CTNNA3: variants seen among roughly 807,000 people sequenced by gnomAD.
CTNNA3 encodes the protein catenin alpha 3.
Under a neutral mutation model 95.7 loss-of-function variants are expected in CTNNA3, and 76 were observed. That is an observed-to-expected ratio of 0.79 (90% CI 0.66 to 0.96). The LOEUF (loss-of-function observed/expected upper bound fraction) is 0.96, where lower values mean the gene tolerates loss of function less well. Among genes scored for constraint, CTNNA3 ranks in the 40% least tolerant of loss-of-function variants. The pLI, the probability that CTNNA3 is intolerant of heterozygous loss-of-function variation, is 0.00. For missense variants in CTNNA3, 1,191 were observed against 1,089.8 expected (o/e 1.09, Z -1.31); for synonymous variants, 431 against 374.4 (o/e 1.15, Z -1.74).
At chr10:66,574,012 T>C (rs1400603974) in intron 10 of CTNNA3, among the ~76,000 whole-genome samples, 1 of 152,132 alleles carries the variant, frequency 6.6e-6, no homozygotes, top group Non-Finnish European at 1.5e-5. Flanking sequence ...GTGTTGAGGT[T>C]ACCAAGATTA....
At chr10:66,516,855 G>A (rs1840877311) in intron 11 of CTNNA3, among the ~76,000 whole-genome samples, 1 of 152,168 alleles carries the variant, frequency 6.6e-6, no homozygotes. Context: ...GTTGTGTAAT[G>A]TTTGGAGATG....
In CTNNA3 at chr10:66,497,506, T is replaced by C. The variant is rs540317982; in HGVS notation, c.1531+23111A>G. On this transcript the variant is annotated intron_variant, in intron 11 of 17. Coordinates refer to ENST00000433211, the MANE Select transcript of CTNNA3 (RefSeq NM_013266.4). ...GAAACAACAAATTAAAAGAAAACAC[T>C]GTATAGGGCTAATTTTTCATTTAAT... 5.4e-4 allele frequency among the ~76,000 whole-genome samples: 82 copies of C among 152,090 alleles called. 1 individual carries two copies. Among genetic ancestry groups the C allele is most frequent in the African/African-American group, 1.9e-3 (77 of 41,534 alleles).
At chr10:67,376,271 A>G (rs888267221) in intron 5 of CTNNA3, among the ~76,000 whole-genome samples, 8 of 152,232 alleles carry the variant, frequency 5.3e-5, no homozygotes, top group African/African-American at 9.6e-5. Context: ...AAGGGAGGTC[A>G]GGAAAGTCAC....
At chr10:66,758,186 T>C (rs1231623698) in intron 9 of CTNNA3, among the ~76,000 whole-genome samples, 1 of 152,234 alleles carries the variant, frequency 6.6e-6, no homozygotes, top group Non-Finnish European at 1.5e-5. Flanking sequence ...CTTTGGTTTT[T>C]AGAACTTTCA....
intron 8 of CTNNA3, among the ~76,000 whole-genome samples, chr10:66,766,816 T>C (rs1223989717): frequency 6.6e-6 from 1 of 152,166 alleles, no homozygotes; most frequent in East Asian, 1.9e-4. Flanking sequence ...TTGGAGGAAC[T>C]GATGATAAAT....
chr10:67,621,855 T>C (rs1843858635), intron 2 of CTNNA3, among the ~76,000 whole-genome samples: 1 of 152,158 alleles, frequency 6.6e-6, no homozygotes, highest in Non-Finnish European at 1.5e-5. Context: ...TCTGGCCTCT[T>C]GTCTATTTTG....
At chr10:66,129,730 G>T (rs185860855) in intron 13 of CTNNA3, among the ~76,000 whole-genome samples, 183 of 152,116 alleles carry the variant, frequency 1.2e-3, no homozygotes, top group African/African-American at 4.3e-3. Context: ...CTGATAAGCA[G>T]AGTGCTCCTG....
At chr10:66,019,263 T>G (rs915468551) in intron 15 of CTNNA3, among the ~76,000 whole-genome samples, 1 of 152,182 alleles carries the variant, frequency 6.6e-6, no homozygotes, top group African/African-American at 2.4e-5. Context: ...AATATGTAAA[T>G]GTCTATGTTT....
At chr10:66,831,173 G>A (rs1242205848) in intron 7 of CTNNA3, among the ~76,000 whole-genome samples, 1 of 151,964 alleles carries the variant, frequency 6.6e-6, no homozygotes, top group African/African-American at 2.4e-5. Flanking sequence ...TAATCTGCAG[G>A]AAAAACAATG....
intron 13 of CTNNA3, among the ~76,000 whole-genome samples, chr10:66,163,582 G>A (rs1433421053): frequency 6.6e-6 from 1 of 152,272 alleles, no homozygotes; most frequent in East Asian, 1.9e-4. Context: ...TTTTGCAGGA[G>A]CAGTCTGCTT....
intron 1 of CTNNA3, among the ~76,000 whole-genome samples, chr10:67,693,828 A>C (rs1483779457): frequency 2.0e-5 from 3 of 152,142 alleles, no homozygotes; most frequent in Admixed American, 2.0e-4. Flanking sequence ...TGGTTCTCAA[A>C]CTCAACAATG....
Position 66,743,710 on chromosome 10 carries a change from G to A in CTNNA3, c.1281+22554C>T, listed in dbSNP as rs139957058. Among the ~76,000 whole-genome samples the A allele has an allele frequency of 4.6e-5, 7 of 152,146 alleles. No individual in the cohort carries two copies. The East Asian group carries it at 1.4e-3, about 29-fold the overall frequency. The stretch of plus-strand genomic sequence containing the variant: ...AAGGAGGAGGAGGTCGGGTGTGGTG[G>A]CTCATGACTGTAATCCCAGCACTTT... On this transcript the variant is annotated intron_variant, in intron 9 of 17. Coordinates refer to ENST00000433211, the MANE Select transcript of CTNNA3 (RefSeq NM_013266.4).
intron 15 of CTNNA3, among the ~76,000 whole-genome samples, chr10:66,008,469 C>T (rs1333681289): frequency 6.6e-6 from 1 of 152,156 alleles, no homozygotes; most frequent in Non-Finnish European, 1.5e-5. Flanking sequence ...GAAAGGCGTC[C>T]CTCTTCACAT....
At chr10:67,324,800 A>T (rs1841475198) in intron 5 of CTNNA3, among the ~76,000 whole-genome samples, 2 of 151,798 alleles carry the variant, frequency 1.3e-5, no homozygotes, top group African/African-American at 2.4e-5. Flanking sequence ...TGTTTGGAAT[A>T]GTTTCAGCAG....
At chr10:66,708,055 C>T (rs977374527) in intron 9 of CTNNA3, among the ~76,000 whole-genome samples, 15 of 152,104 alleles carry the variant, frequency 9.9e-5, no homozygotes, top group South Asian at 6.2e-4. Context: ...AACTATAAAA[C>T]GTACAAATAA....
chr10:67,734,917 T>C (rs1247462194), intron 1 of CTNNA3, among the ~76,000 whole-genome samples: 1 of 152,152 alleles, frequency 6.6e-6, no homozygotes, highest in African/African-American at 2.4e-5. Flanking sequence ...AATGATGATA[T>C]AGCTGATTAT....
In CTNNA3 at chr10:66,005,675, A is replaced by G. The variant is rs1380561765; in HGVS notation, c.2160-16878T>C. ...TCCCTCTCCTGGTGTTACACATTAT[A>G]TAAATACTCCTTGAAAGCACATAAG... On this transcript the variant is annotated intron_variant, in intron 15 of 17. Transcript: ENST00000433211. 2.0e-5 allele frequency among the ~76,000 whole-genome samples: 3 copies of G among 152,114 alleles called. No individual in the cohort carries two copies. In the East Asian group the frequency reaches 5.8e-4, roughly 29 times the overall value.
At chr10:66,397,045 C>T (rs759229604) in intron 11 of CTNNA3, among the ~76,000 whole-genome samples, 75 of 151,386 alleles carry the variant, frequency 5.0e-4, no homozygotes, top group Non-Finnish European at 8.1e-4. Context: ...ATTTAAAATT[C>T]ATATATTTAT....
At chr10:67,580,176 T>C (rs1842333111) in intron 3 of CTNNA3, among the ~76,000 whole-genome samples, 1 of 152,222 alleles carries the variant, frequency 6.6e-6, no homozygotes. Flanking sequence ...TCTAGGGCTC[T>C]TATGGTTTTA....
Sources: gnomAD v4.1 joint callset for allele counts (sites outside exome capture counted in the v4.1 genomes callset) on GRCh38, gnomAD v4.1.1 for gene constraint, MANE v1.5 for transcripts, NCBI Gene and HGNC (gene_info 2026-07-23, HGNC 2026-07-21) for gene names.